Variants in B4GALT1 observed in about 807,000 individuals in gnomAD.
The protein encoded by B4GALT1 is N-acetyllactosamine synthase.
B4GALT1 carries 16 observed loss-of-function variants against 34.9 expected under a neutral mutation model. That is an observed-to-expected ratio of 0.46 (90% CI 0.31 to 0.70). B4GALT1 has a LOEUF of 0.70. Among genes scored for constraint, B4GALT1 ranks in the 30% least tolerant of loss-of-function variants. The pLI is 0.05. For synonymous variants in B4GALT1, 221 were observed against 218.1 expected (o/e 1.01, Z -0.12); for missense variants, 445 against 530.5 (o/e 0.84, Z 1.58).
chr9:33,175,278 A>C, the B4GALT1 span, among the ~76,000 whole-genome samples: 118 of 151,508 alleles, frequency 7.8e-4, no homozygotes, highest in Non-Finnish European at 2.2e-4. Flanking sequence ...AAGCCACTGT[A>C]CTCCAGCCTG....
chr9:33,119,965 C>T (rs1324912903), intron 3 of B4GALT1, among the ~76,000 whole-genome samples: 1 of 152,106 alleles, frequency 6.6e-6, no homozygotes, highest in Non-Finnish European at 1.5e-5. Flanking sequence ...AGATGGATTG[C>T]TTGAGCTCAG....
At position 33,131,221 on chromosome 9, in the gene B4GALT1, C is replaced by T. The variant is rs900373718; in HGVS notation, c.648+3968G>A. On this transcript the variant is annotated intron_variant, in intron 2 of 5. Coordinates refer to ENST00000379731, the MANE Select transcript of B4GALT1 (RefSeq NM_001497.4). Reference sequence around the variant, plus strand: ...AGAAGGCACTAAACCTGGAGTCAGACGCTGGGGTTTGAGCCGCAGCCCTAC... The same window carrying T: ...AGAAGGCACTAAACCTGGAGTCAGATGCTGGGGTTTGAGCCGCAGCCCTAC... 5.9e-5 allele frequency among the ~76,000 whole-genome samples: 9 copies of T among 152,310 alleles called. No homozygotes were observed. In the South Asian group the frequency reaches 6.2e-4, roughly 11 times the overall value.
chr9:33,163,545 A>C (rs1404199493), intron 1 of B4GALT1, among the ~76,000 whole-genome samples: 1 of 152,030 alleles, frequency 6.6e-6, no homozygotes, highest in Non-Finnish European at 1.5e-5. Context: ...TGCCTCTCTC[A>C]CCAGTTCAGC....
intron 1 of B4GALT1, among the ~76,000 whole-genome samples, 154 bp from the exon 2 acceptor site, chr9:33,135,578 A>G (rs1281365306): frequency 2.6e-5 from 4 of 152,204 alleles, no homozygotes; most frequent in Non-Finnish European, 5.9e-5. Flanking sequence ...CCTGCCCAGC[A>G]TCAGGCACCA....
chr9:33,182,908 TA>T, the B4GALT1 span, among the ~76,000 whole-genome samples: 336 of 149,602 alleles, frequency 2.2e-3, 1 homozygote, highest in South Asian at 0.014. Flanking sequence ...TCACCCCACT[TA>T]AAAAAAAAAT....
At chr9:33,136,670 C>T (rs1254527920) in intron 1 of B4GALT1, among the ~76,000 whole-genome samples, 1 of 152,206 alleles carries the variant, frequency 6.6e-6, no homozygotes, top group East Asian at 1.9e-4. Flanking sequence ...GGCTACAGAA[C>T]CATTTTTCCA....
At chr9:33,107,844 C>A (rs1175028927), downstream of B4GALT1, among the ~76,000 whole-genome samples, 1 of 152,112 alleles carries the variant, frequency 6.6e-6, no homozygotes, top group East Asian at 1.9e-4. Context: ...CACCTTCACT[C>A]AGGTGGGGAG....
chr9:33,167,539 T>A (rs1840787961), upstream of B4GALT1, among the ~76,000 whole-genome samples: 1 of 152,176 alleles, frequency 6.6e-6, no homozygotes, highest in African/African-American at 2.4e-5. Context: ...TGACTGCAGC[T>A]CCGACGCTTG....
intron 1 of B4GALT1, among the ~76,000 whole-genome samples, chr9:33,143,731 T>C (rs1406355544): frequency 6.6e-6 from 1 of 152,194 alleles, no homozygotes. Flanking sequence ...CCCACCCTCA[T>C]GAAGCAATTT....
chr9:33,126,620 AGTTAACCATT>A (rs1301190589), intron 2 of B4GALT1, among the ~76,000 whole-genome samples: 3 of 152,220 alleles, frequency 2.0e-5, no homozygotes, highest in African/African-American at 7.2e-5. Context: ...TGTTAACCAT[AGTTAACCATT>A]GTTAACATTG....
intron 1 of B4GALT1, 67 bp from the exon 2 acceptor site, chr9:33,135,491 C>T: frequency 6.8e-7 from 1 of 1,480,008 alleles, no homozygotes; most frequent in Non-Finnish European, 9.3e-7. Flanking sequence ...CAGGCTGCAT[C>T]AGATGGCCAG....
chr9:33,141,635 A>G (rs1462040890), intron 1 of B4GALT1, among the ~76,000 whole-genome samples: 3 of 152,206 alleles, frequency 2.0e-5, no homozygotes, highest in Non-Finnish European at 4.4e-5. Context: ...AGGGGAATCA[A>G]CTAGGGGACA....
chr9:33,113,297 A>T lies in B4GALT1; in HGVS notation c.*157T>A. The stretch of plus-strand genomic sequence containing the variant: ...AGCCAAGTTGGGGGCAAAATATCCC[A>T]CTCGTCCTGGTCATCTGGAAAGCCA... On this transcript the variant is annotated 3_prime_UTR_variant, in exon 6 of 6. Transcript: ENST00000379731. The T allele has an allele frequency of 8.9e-7, 1 of 1,126,754 alleles. No individual in the cohort carries two copies. Among genetic ancestry groups the T allele is most frequent in the Non-Finnish European group, 1.3e-6 (1 of 754,188 alleles). 69.8% of individuals were successfully genotyped at this position (1,126,754 alleles called of 1,614,324 possible).
At position 33,167,216 on chromosome 9, in the gene B4GALT1, C is replaced by G. The variant is rs1016169348; in HGVS notation, c.-47G>C. Reference sequence around the variant, plus strand: ...AGGGTGTGGGCTACAGGAGGGGAGGCGACCCGCCCGCGGGCCGCCCGCCAG... The same window carrying G: ...AGGGTGTGGGCTACAGGAGGGGAGGGGACCCGCCCGCGGGCCGCCCGCCAG... On this transcript the variant is annotated 5_prime_UTR_variant, in exon 1 of 6. Transcript: ENST00000379731. The G allele has an allele frequency of 2.0e-6, 3 of 1,490,714 alleles. No individual in the cohort carries two copies. The highest frequency in any genetic ancestry group is 2.5e-5 in the East Asian group (1 of 40,140). 92.3% of individuals were successfully genotyped at this position (1,490,714 alleles called of 1,614,324 possible). A position where few individuals can be genotyped will look rare whatever the true frequency, so the allele number is the denominator to read the frequency against.
chr9:33,157,908 C>T (rs1435491069), intron 1 of B4GALT1, among the ~76,000 whole-genome samples: 1 of 152,164 alleles, frequency 6.6e-6, no homozygotes, highest in Non-Finnish European at 1.5e-5. Context: ...CAAGTGAGAA[C>T]ACTGAGGCAC....
chr9:33,107,505 C>T (rs761010693), downstream of B4GALT1, among the ~76,000 whole-genome samples: 1 of 152,206 alleles, frequency 6.6e-6, no homozygotes, highest in Non-Finnish European at 1.5e-5. Flanking sequence ...TCATTCACCC[C>T]CAGGGGCAGC....
intron 2 of B4GALT1, among the ~76,000 whole-genome samples, chr9:33,125,655 G>A (rs1047787718): frequency 1.4e-5 from 2 of 141,784 alleles, no homozygotes; most frequent in Admixed American, 7.3e-5. Flanking sequence ...TTGTAGGGGC[G>A]GGGCGAGAGG....
the B4GALT1 span, among the ~76,000 whole-genome samples, chr9:33,174,976 AAAAAAAAAAAAAAAATATATATATAT>A: frequency 4.7e-5 from 1 of 21,222 alleles, no homozygotes; most frequent in Non-Finnish European, 1.2e-4. Context: ...AAAAAAAAAA[AAAAAAAAAAAAAAAATATATATATAT>A]ATATATATAT....
chr9:33,167,399 G>C, upstream of B4GALT1: 3 of 413,700 alleles, frequency 7.3e-6, no homozygotes, highest in Non-Finnish European at 1.2e-5. Context: ...GAAGGCGGGG[G>C]CGGGGCCGGG....
Sources: gnomAD v4.1 joint callset for allele counts (sites outside exome capture counted in the v4.1 genomes callset) on GRCh38, gnomAD v4.1.1 for gene constraint, MANE v1.5 for transcripts, NCBI Gene and HGNC (gene_info 2026-07-23, HGNC 2026-07-21) for gene names.